The following SPSB3 variants were observed in gnomAD, a reference collection of about 807,000 sequenced individuals.
SPSB3 encodes the protein SPRY domain-containing SOCS box protein 3.
Under a neutral mutation model 29.5 loss-of-function variants are expected in SPSB3, and 18 were observed. The observed-to-expected ratio is 0.61, with a 90% CI of 0.42 to 0.91. SPSB3 has a LOEUF of 0.91. Ranked by LOEUF, SPSB3 falls within the 40% of genes least tolerant of loss-of-function variation. SPSB3 has a pLI of 0.00. For synonymous variants in SPSB3, 299 were observed against 214.1 expected, an observed-to-expected ratio of 1.40 and a Z score of -3.46; for missense variants, 540 against 507.5, an observed-to-expected ratio of 1.06 and a Z score of -0.61.
chr16:1,776,783 C>T lies in SPSB3; in HGVS notation c.*314G>A, dbSNP rs2141984919. ...ATGACGGCGGGGCAGCCGCTGACAGCATGCAGAGCAAGTTAGGAAAAACCG... is the reference window on the plus strand; with the variant it reads ...ATGACGGCGGGGCAGCCGCTGACAGTATGCAGAGCAAGTTAGGAAAAACCG... On this transcript the variant is annotated 3_prime_UTR_variant, in exon 7 of 7. Coordinates refer to ENST00000566339, the MANE Select transcript of SPSB3 (RefSeq NM_080861.4). 2 of 464,586 alleles carry T rather than the reference C, an allele frequency of 4.3e-6. No homozygotes were observed. Among genetic ancestry groups the T allele is most frequent in the East Asian group, 3.7e-5 (1 of 26,918 alleles). The allele number at this position is 464,586 out of a possible 1,614,324, so 28.8% of individuals were successfully genotyped here.
chr16:1,778,946 T>C (rs1478078645), intron 2 of SPSB3: 2 of 229,358 alleles, frequency 8.7e-6, no homozygotes, highest in East Asian at 8.9e-5. Flanking sequence ...CCTTCCCTGC[T>C]AGGCCAGCCC....
At chr16:1,781,629 C>T in intron 1 of SPSB3, 134 bp from the exon 2 acceptor site, 5 of 929,862 alleles carry the variant, frequency 5.4e-6, no homozygotes, top group East Asian at 2.6e-5. Context: ...GGCTCCAGAA[C>T]GCTTCAGGAG....
rs751381805 is a variant in SPSB3 at position 1,778,338 on chromosome 16, G to C, written c.305-17C>G. ...AGTCGAAATCTGCAAGAGAGGCCCAGGCTGGGGCAGCCCTGAGAGCTCCAT... is the reference window on the plus strand; with the variant it reads ...AGTCGAAATCTGCAAGAGAGGCCCACGCTGGGGCAGCCCTGAGAGCTCCAT... On this transcript the variant is annotated splice_polypyrimidine_tract_variant and intron_variant, in intron 3 of 6. Transcript: ENST00000566339. The C allele has an allele frequency of 6.2e-7, 1 of 1,611,708 alleles. No homozygotes were observed. Among genetic ancestry groups the C allele is most frequent in the Admixed American group, 1.7e-5 (1 of 59,994 alleles).
chr16:1,778,086 C>T (rs1168442707), intron 4 of SPSB3, 38 bp from the exon 5 acceptor site: 1 of 1,612,950 alleles, frequency 6.2e-7, no homozygotes, highest in Non-Finnish European at 8.5e-7. Flanking sequence ...CGGGGCTGGG[C>T]TGCCGGAGCC....
chr16:1,777,297 G>T lies in SPSB3; in HGVS notation c.868C>A (p.Pro290Thr). 1.9e-6 allele frequency: 3 copies of T among 1,610,118 alleles called. No homozygotes were observed. The highest frequency in any genetic ancestry group is 2.5e-6 in the Non-Finnish European group (3 of 1,179,790). Residue 290 changes from proline (P) to threonine (T), a missense_variant, in exon 7 of 7, where the codon CCA becomes ACA. Transcript: ENST00000566339. ...LCCHRLRQLR[P>T]DSGDTLEGLP... is the part of the protein sequence containing the mutation. ...CCCTCCAGCGTGTCTCCCGAGTCTG[G>T]CCGCAGCTGGCGCAGGCGGTGGCAG...
chr16:1,777,103 C>T lies in SPSB3; in HGVS notation c.1062G>A (p.Arg354=). The change falls in exon 7 of 7, where the codon CGG becomes CGA. Residue 354 remains arginine (R), a synonymous_variant. Coordinates refer to ENST00000566339, the MANE Select transcript of SPSB3 (RefSeq NM_080861.4). ...PRPCQRKRCR[R]T is the part of the protein sequence containing the mutation. ...AGTTCCACTGGGAAGTCAGTCAGGT[C>T]CGGCGGCAGCGCTTCCTCTGGCAGG... 1 of 1,610,744 alleles carries T rather than the reference C, an allele frequency of 6.2e-7. No homozygotes were observed.
At position 1,777,354 on chromosome 16, in the gene SPSB3, A is replaced by T; in HGVS notation, c.811T>A (p.Cys271Ser). ...TACTGGAGGGAAGTGGCGCTGGCAC[A>T]GGAGCGGGTGACCTTCATGCTGCTC... is the stretch of plus-strand genomic sequence containing the variant. ...ARSSMKVTRS[C>S]ASATSLQYLC... The change falls in exon 7 of 7, where the codon TGT (cysteine) becomes AGT (serine). Residue 271 changes from cysteine to serine, a missense_variant. By Grantham distance (112) the Cys-to-Ser change is moderately radical. Transcript: ENST00000566339. The T allele has an allele frequency of 6.2e-7, 1 of 1,606,802 alleles. No individual in the cohort carries two copies. The highest frequency in any genetic ancestry group is 8.5e-7 in the Non-Finnish European group (1 of 1,178,756).
Position 1,777,755 on chromosome 16 carries a change from T to A in SPSB3, c.713A>T (p.Lys238Met). The A allele has an allele frequency of 6.2e-7, 1 of 1,612,432 alleles. No individual in the cohort carries two copies. Among genetic ancestry groups the A allele is most frequent in the Non-Finnish European group, 8.5e-7 (1 of 1,179,898 alleles). The change falls in exon 6 of 7, where the codon AAG becomes ATG. Residue 238 changes from lysine to methionine, a missense_variant. Physicochemically the swap from Lys to Met is moderately conservative, Grantham distance 95. Coordinates refer to ENST00000566339, the MANE Select transcript of SPSB3 (RefSeq NM_080861.4). The part of the protein sequence containing the change: ...HGTLTFFKNR[K>M]CIGVAATKLQ... ...TCCTGTGACGGCCTCACCTATACAC[T>A]TCCTGTTCTTGAAAAAGGTGAGTGT...
chr16:1,778,487 G>C lies in SPSB3; in HGVS notation c.252C>G (p.Ser84Arg), dbSNP rs2042747952. Residue 84 changes from serine to arginine, a missense_variant, in exon 3 of 7, where the codon AGC becomes AGG. Transcript: ENST00000566339. ...AGQSEASFCSSLHSAHRGRDC... is the reference protein window; with the variant it reads ...AGQSEASFCSRLHSAHRGRDC... Reference sequence around the variant, plus strand: ...CCCTGCCCCGGTGGGCCGAGTGCAGGCTGCTACAGAAGGAGGCCTCGCTCT... The same window carrying C: ...CCCTGCCCCGGTGGGCCGAGTGCAGCCTGCTACAGAAGGAGGCCTCGCTCT... The C allele has an allele frequency of 1.2e-6, 2 of 1,611,768 alleles. No individual in the cohort carries two copies. The highest frequency in any genetic ancestry group is 1.3e-5 in the African/African-American group (1 of 74,916).
At chr16:1,781,866 T>C in intron 1 of SPSB3, 1 of 249,644 alleles carries the variant, frequency 4.0e-6, no homozygotes, top group Non-Finnish European at 8.0e-6. Flanking sequence ...TCCCAGTTCC[T>C]CATGCCAGAA....
At chr16:1,781,755 A>C (rs1388516461) in intron 1 of SPSB3, 1 of 486,214 alleles carries the variant, frequency 2.1e-6, no homozygotes, top group Non-Finnish European at 3.7e-6. Flanking sequence ...CTCCGGTTCC[A>C]CCTCACGAAC....
rs780242185 is a variant in SPSB3 at position 1,777,226 on chromosome 16, C to T, written c.939G>A (p.Leu313=). The T allele has an allele frequency of 1.2e-6, 2 of 1,610,752 alleles. No individual in the cohort carries two copies. Among genetic ancestry groups the T allele is most frequent in the East Asian group, 2.2e-5 (1 of 44,872 alleles). The change falls in exon 7 of 7, where the codon CTG becomes CTA. Residue 313 remains leucine (L), a synonymous_variant. Transcript: ENST00000566339. ...TGCAACTCATGCTCAGGACCCAGCCCAGCTTGTTGTGTAGCACCTGCTTGA... is the reference window on the plus strand; with the variant it reads ...TGCAACTCATGCTCAGGACCCAGCCTAGCTTGTTGTGTAGCACCTGCTTGA... ...PGLKQVLHNK[L]GWVLSMSCSR...
intron 2 of SPSB3, chr16:1,779,827 C>T (rs1291443035): frequency 6.6e-6 from 1 of 152,254 alleles, no homozygotes; most frequent in Non-Finnish European, 1.5e-5. Context: ...ATCCCACAGC[C>T]ACGAGCCTGT....
At position 1,781,431 on chromosome 16, in the gene SPSB3, G is replaced by C. The variant is rs1430930909; in HGVS notation, c.53C>G (p.Ala18Gly). ...SRAWHFVLSA[A>G]RRDADARAVA... ...GGCCCGGGCATCTGCGTCTCGGCGG[G>C]CTGCACTCAGGACGAAGTGCCAGGC... The change falls in exon 2 of 7, where the codon GCC (alanine) becomes GGC (glycine). Residue 18 changes from alanine (A) to glycine (G), a missense_variant. Transcript: ENST00000566339. 1.2e-6 allele frequency: 2 copies of C among 1,612,826 alleles called. No homozygotes were observed. Among genetic ancestry groups the C allele is most frequent in the Admixed American group, 3.3e-5 (2 of 60,018 alleles).
rs1175842096 is a variant in SPSB3 at position 1,777,328 on chromosome 16, G to A, written c.837C>T (p.Tyr279=). Residue 279 remains tyrosine, a synonymous_variant, in exon 7 of 7, where the codon TAC becomes TAT. Coordinates refer to ENST00000566339, the MANE Select transcript of SPSB3 (RefSeq NM_080861.4). The stretch of plus-strand genomic sequence containing the variant: ...GCTGGCGCAGGCGGTGGCAGCACAG[G>A]TACTGGAGGGAAGTGGCGCTGGCAC... ...RSCASATSLQ[Y]LCCHRLRQLR... 3 of 1,609,088 alleles carry A rather than the reference G, an allele frequency of 1.9e-6. No homozygotes were observed. Among genetic ancestry groups the A allele is most frequent in the South Asian group, 1.1e-5 (1 of 91,034 alleles).
intron 2 of SPSB3, 43 bp from the exon 3 acceptor site, chr16:1,778,655 C>G: frequency 2.0e-6 from 3 of 1,516,610 alleles, no homozygotes. Flanking sequence ...TGCCCGCTCT[C>G]TACCCTCTCA....
rs927064848 is a variant in SPSB3, at chr16:1,777,676, G to A, written c.721+71C>T. 8 of 1,590,510 alleles carry A rather than the reference G, an allele frequency of 5.0e-6. No individual in the cohort carries two copies. The East Asian group carries it at 1.3e-4, about 27-fold the overall frequency. On this transcript the variant is annotated intron_variant, in intron 6 of 6. Coordinates refer to ENST00000566339, the MANE Select transcript of SPSB3 (RefSeq NM_080861.4). ...CTTTCAGAAAACCTCAGTGTCCCCT[G>A]GGCTGGGGCGGGGTGGCTGCCTCCC...
intron 6 of SPSB3, 42 bp downstream of exon 6, chr16:1,777,705 G>T: frequency 6.2e-7 from 1 of 1,603,136 alleles, no homozygotes. Context: ...GCCTCCCTCG[G>T]GGTGACAGCT....
At position 1,778,144 on chromosome 16, in the gene SPSB3, C is replaced by T; in HGVS notation, c.482G>A (p.Gly161Asp). The stretch of plus-strand genomic sequence containing the variant: ...GCCGAAGCAACTTACCATGTCGGTG[C>T]CGTAGACGGGAGAGGTCATCTTGAT... ...WEIKMTSPVY[G>D]TDMMVGIGTS... is the part of the protein sequence containing the mutation. Residue 161 changes from glycine to aspartate, a missense_variant, in exon 4 of 7, where the codon GGC becomes GAC. Physicochemically the swap from Gly to Asp is moderately conservative, Grantham distance 94. Transcript: ENST00000566339. 3 of 1,612,614 alleles carry T rather than the reference C, an allele frequency of 1.9e-6. No homozygotes were observed. The highest frequency in any genetic ancestry group is 2.5e-6 in the Non-Finnish European group (3 of 1,179,608).
Sources: allele counts gnomAD v4.1 joint callset, GRCh38; gene constraint gnomAD v4.1.1; transcripts MANE v1.5; gene names NCBI Gene and HGNC (gene_info 2026-07-23, HGNC 2026-07-21).